Variants in PDZD8 observed in about 807,000 individuals in gnomAD.
PDZD8 encodes PDZ domain containing 8, also known as PDZ domain-containing protein 8.
PDZD8 carries 14 observed loss-of-function variants against 85.8 expected under a neutral mutation model. The observed-to-expected ratio is 0.16, with a 90% CI of 0.11 to 0.26. The LOEUF (loss-of-function observed/expected upper bound fraction) is 0.26. PDZD8 is among the 10% of genes least tolerant of loss of function. PDZD8 has a pLI of 1.00. For missense variants in PDZD8, 1,197 were observed against 1,424.3 expected (o/e 0.84, Z 2.57); for synonymous variants, 592 against 568.6 (o/e 1.04, Z -0.59).
chr10:117,334,543 C>T (rs1468366965), intron 2 of PDZD8, among the ~76,000 whole-genome samples: 1 of 151,732 alleles, frequency 6.6e-6, no homozygotes, highest in Non-Finnish European at 1.5e-5. Context: ...TCCTAATGTG[C>T]TCAGATACTA....
intron 1 of PDZD8, among the ~76,000 whole-genome samples, chr10:117,342,325 T>C (rs1265739152): frequency 6.6e-6 from 1 of 151,686 alleles, no homozygotes; most frequent in East Asian, 1.9e-4. Flanking sequence ...ACCCTACACA[T>C]TGTCACTAGC....
chr10:117,326,287 T>C (rs1194091410), intron 2 of PDZD8, among the ~76,000 whole-genome samples: 1 of 152,200 alleles, frequency 6.6e-6, no homozygotes, highest in Non-Finnish European at 1.5e-5. Flanking sequence ...CAAATCAATA[T>C]AAATTTCAAG....
chr10:117,372,535 T>C (rs1935166), intron 1 of PDZD8, among the ~76,000 whole-genome samples: 34,582 of 152,150 alleles, frequency 0.23, 4,519 homozygotes, highest in East Asian at 0.44. Flanking sequence ...GAAGTTGTGA[T>C]AGAATACCAA....
At chr10:117,363,865 T>C (rs1461533629) in intron 1 of PDZD8, among the ~76,000 whole-genome samples, 1 of 152,116 alleles carries the variant, frequency 6.6e-6, no homozygotes, top group African/African-American at 2.4e-5. Context: ...GATTACAGAA[T>C]AAAGAGAAAT....
chr10:117,375,286 G>T lies in PDZD8; in HGVS notation c.-59C>A. On this transcript the variant is annotated 5_prime_UTR_variant, in exon 1 of 5. Coordinates refer to ENST00000334464, the MANE Select transcript of PDZD8 (RefSeq NM_173791.5). Reference sequence around the variant, plus strand: ...GCGCCCACAGCGCCGCTTTCTTCACGCCGCCGCCCCCGCTGCCTCCATTTT... The same window carrying T: ...GCGCCCACAGCGCCGCTTTCTTCACTCCGCCGCCCCCGCTGCCTCCATTTT... 7.3e-7 allele frequency: 1 copy of T among 1,377,172 alleles called. No homozygotes were observed. The highest frequency in any genetic ancestry group is 9.5e-7 in the Non-Finnish European group (1 of 1,054,026). 85.3% of individuals were successfully genotyped at this position (1,377,172 alleles called of 1,614,324 possible). A position where few individuals can be genotyped will look rare whatever the true frequency, so the allele number is the denominator to read the frequency against.
chr10:117,318,724 T>C (rs1314000417), intron 3 of PDZD8, 148 bp downstream of exon 3: 13 of 560,254 alleles, frequency 2.3e-5, no homozygotes, highest in Non-Finnish European at 1.5e-5. Context: ...ATCACTGTAG[T>C]TGTATTGTAA....
chr10:117,359,705 C>T (rs1406572068), intron 1 of PDZD8, among the ~76,000 whole-genome samples: 4 of 152,046 alleles, frequency 2.6e-5, no homozygotes, highest in South Asian at 2.1e-4. Flanking sequence ...AGTGAGACTC[C>T]GTCTCAAAAA....
At chr10:117,371,926 C>G (rs370514217) in intron 1 of PDZD8, among the ~76,000 whole-genome samples, 2 of 151,924 alleles carry the variant, frequency 1.3e-5, no homozygotes, top group South Asian at 2.1e-4. Flanking sequence ...TCTGGGCAAC[C>G]GAACAAAATC....
intron 2 of PDZD8, among the ~76,000 whole-genome samples, chr10:117,324,455 A>C (rs1844281568): frequency 2.0e-5 from 3 of 152,124 alleles, no homozygotes; most frequent in Admixed American, 2.0e-4. Flanking sequence ...GATTATAATG[A>C]ACTCTCATCA....
chr10:117,305,029 T>A (rs1384242975), intron 3 of PDZD8, among the ~76,000 whole-genome samples: 1 of 152,188 alleles, frequency 6.6e-6, no homozygotes, highest in Non-Finnish European at 1.5e-5. Flanking sequence ...CTGTGGGTTC[T>A]ATATCCGACA....
Position 117,283,724 on chromosome 10 carries a change from T to C in PDZD8, c.3009A>G (p.Arg1003=), listed in dbSNP as rs1329065056. The C allele has an allele frequency of 5.6e-6, 9 of 1,614,214 alleles. No individual in the cohort carries two copies. The highest frequency in any genetic ancestry group is 7.6e-6 in the Non-Finnish European group (9 of 1,180,042). The change falls in exon 5 of 5, where the codon AGA becomes AGG. Residue 1003 remains arginine, a synonymous_variant. Coordinates refer to ENST00000334464, the MANE Select transcript of PDZD8 (RefSeq NM_173791.5). The part of the protein sequence containing the change: ...RGNSTGIKLV[R]KEGGLDDSVF... ...CACTGTCATCCAGACCACCCTCTTT[T>C]CTCACTAACTTTATTCCTGTGCTGT... is the stretch of plus-strand genomic sequence containing the variant.
intron 1 of PDZD8, among the ~76,000 whole-genome samples, chr10:117,371,654 G>A (rs1374378427): frequency 2.0e-5 from 3 of 152,130 alleles, no homozygotes; most frequent in East Asian, 1.9e-4. Context: ...CTTACAAAGC[G>A]CCGGGCAAGG....
intron 3 of PDZD8, among the ~76,000 whole-genome samples, chr10:117,309,385 A>C (rs765585714): frequency 4.6e-4 from 34 of 73,198 alleles, no homozygotes; most frequent in Middle Eastern, 6.8e-3. Flanking sequence ...AAATAACAGC[A>C]GTAAAAATTA....
At chr10:117,345,583 T>C (rs1262105386) in intron 1 of PDZD8, among the ~76,000 whole-genome samples, 2 of 152,048 alleles carry the variant, frequency 1.3e-5, no homozygotes, top group Non-Finnish European at 2.9e-5. Flanking sequence ...GAGACCAGTA[T>C]CTAAGGTTGC....
At position 117,284,875 on chromosome 10, in the gene PDZD8, C is replaced by G. The variant is rs773383195; in HGVS notation, c.1858G>C (p.Glu620Gln). 5 of 1,614,192 alleles carry G rather than the reference C, an allele frequency of 3.1e-6. No individual in the cohort carries two copies. Among genetic ancestry groups the G allele is most frequent in the Middle Eastern group, 3.3e-4 (2 of 6,062 alleles). Residue 620 changes from glutamate to glutamine, a missense_variant, in exon 5 of 5, where the codon GAG (glutamate) becomes CAG (glutamine). Physicochemically the swap from Glu to Gln is conservative, Grantham distance 29. This residue lies in a region of PDZD8 where 263 missense variants were observed against 261.9 expected (regional missense o/e 1.00). Transcript: ENST00000334464. ...AEPDVLVEKP[E>Q]KVVPPPLVDK... ...ACAAGAGGAGGTGGCACCACCTTCT[C>G]TGGCTTTTCAACGAGAACATCTGGT...
intron 1 of PDZD8, among the ~76,000 whole-genome samples, chr10:117,350,194 C>A (rs1429417669): frequency 6.6e-6 from 1 of 151,702 alleles, no homozygotes; most frequent in Non-Finnish European, 1.5e-5. Flanking sequence ...GGATACACAG[C>A]TAGTAAGTGG....
chr10:117,291,862 A>AT (rs999948107), intron 3 of PDZD8, among the ~76,000 whole-genome samples: 64 of 151,500 alleles, frequency 4.2e-4, no homozygotes, highest in Non-Finnish European at 6.9e-4. Context: ...TGATTTAAAA[A>AT]AAAAAAACAG....
intron 1 of PDZD8, among the ~76,000 whole-genome samples, chr10:117,354,219 C>A (rs1725308855): frequency 6.6e-6 from 1 of 152,134 alleles, no homozygotes; most frequent in Non-Finnish European, 1.5e-5. Flanking sequence ...GTTTCCTTTT[C>A]TTAAAAAGAG....
rs1442910783 is a variant in PDZD8, at chr10:117,282,354, T to C, written c.*914A>G. On this transcript the variant is annotated 3_prime_UTR_variant, in exon 5 of 5. Transcript: ENST00000334464. ...CTATGGGAGAACTGATGAGGAAAAT[T>C]ATCATAAATGTTTAAACTTTTAATT... is the stretch of plus-strand genomic sequence containing the variant. The C allele has an allele frequency of 6.6e-6, 1 of 152,172 alleles. No homozygotes were observed. The highest frequency in any genetic ancestry group is 1.5e-5 in the Non-Finnish European group (1 of 68,026). 9.4% of individuals were successfully genotyped at this position (152,172 alleles called of 1,614,324 possible).
Sources: gnomAD v4.1 joint callset for allele counts (sites outside exome capture counted in the v4.1 genomes callset) on GRCh38, gnomAD v4.1.1 for gene constraint, gnomAD v4.1.1 regional missense constraint, MANE v1.5 for transcripts, NCBI Gene and HGNC (gene_info 2026-07-23, HGNC 2026-07-21) for gene names.